Variants in IL1RAPL2 observed in about 807,000 individuals in gnomAD.
IL1RAPL2 encodes the protein interleukin 1 receptor accessory protein like 2.
In IL1RAPL2, 3 loss-of-function variants were observed where a neutral mutation model predicts 44.1. The observed-to-expected ratio is 0.07, with a 90% CI of 0.03 to 0.18. The LOEUF is 0.18. Ranked by LOEUF, IL1RAPL2 falls within the 10% of genes least tolerant of loss-of-function variation. The pLI is 1.00. For synonymous variants in IL1RAPL2, 181 were observed against 178.8 expected, an observed-to-expected ratio of 1.01 and a Z score of -0.10; for missense variants, 391 against 496.4, an observed-to-expected ratio of 0.79 and a Z score of 2.02.
intron 3 of IL1RAPL2, among the ~76,000 whole-genome samples, chrX:105,201,903 G>A (rs1343630530): frequency 9.0e-6 from 1 of 111,661 alleles, no homozygotes; most frequent in Non-Finnish European, 1.9e-5. Flanking sequence ...GCAGGATCTT[G>A]AGACAGCAGG....
At chrX:104,650,562 T>C (rs1242589989) in intron 1 of IL1RAPL2, among the ~76,000 whole-genome samples, 2 of 110,998 alleles carry the variant, frequency 1.8e-5, no homozygotes, top group Admixed American at 1.9e-4. Context: ...GGCCTTTCTC[T>C]TTGACTATTT....
In IL1RAPL2 at chrX:105,474,985, T is replaced by C. The variant is rs768309540; in HGVS notation, c.698-9328T>C. 7.2e-5 allele frequency among the ~76,000 whole-genome samples: 8 copies of C among 111,234 alleles called. No individual in the cohort carries two copies. In the South Asian group the frequency reaches 3.0e-3, roughly 42 times the overall value. On this transcript the variant is annotated intron_variant, in intron 5 of 10. Coordinates refer to ENST00000372582, the MANE Select transcript of IL1RAPL2 (RefSeq NM_017416.2). The stretch of plus-strand genomic sequence containing the variant: ...TTGAATCTTGGACCCAAAATGTATT[T>C]ACCAGCAATGTGACTTTGGACAAAT...
In IL1RAPL2 at chrX:105,393,543, A is replaced by G. The variant is rs757791070; in HGVS notation, c.698-90770A>G. Among the ~76,000 whole-genome samples the G allele has an allele frequency of 2.7e-5, 3 of 111,092 alleles. No homozygotes were observed. The East Asian group carries it at 8.5e-4, about 32-fold the overall frequency. On this transcript the variant is annotated intron_variant, in intron 5 of 10. Transcript: ENST00000372582. The stretch of plus-strand genomic sequence containing the variant: ...TTTGTTAGTTTTACAAAGGTGGTTT[A>G]GTTTTGGGAAGGGCTGTTATCATCC...
intron 2 of IL1RAPL2, among the ~76,000 whole-genome samples, chrX:105,168,515 A>G (rs900232141): frequency 9.3e-6 from 1 of 107,574 alleles, no homozygotes; most frequent in African/African-American, 3.4e-5. Context: ...AGAAAGAGAG[A>G]GATGGATTAA....
intron 6 of IL1RAPL2, among the ~76,000 whole-genome samples, chrX:105,545,317 T>A (rs1254336143): frequency 8.9e-6 from 1 of 112,052 alleles, no homozygotes; most frequent in Non-Finnish European, 1.9e-5. Flanking sequence ...TGAAGGATAG[T>A]TTCACTGGAT....
In IL1RAPL2 at chrX:105,559,466, T is replaced by C. The variant is rs760517056; in HGVS notation, c.772+75079T>C. On this transcript the variant is annotated intron_variant, in intron 6 of 10. Coordinates refer to ENST00000372582, the MANE Select transcript of IL1RAPL2 (RefSeq NM_017416.2). Reference sequence around the variant, plus strand: ...CACATTAGCTGTAAAAATGCCAATATCACTGTCTTCTTATTTCTACTCATG... The same window carrying C: ...CACATTAGCTGTAAAAATGCCAATACCACTGTCTTCTTATTTCTACTCATG... Among the ~76,000 whole-genome samples, 8 of 112,030 alleles carry C rather than the reference T, an allele frequency of 7.1e-5. No homozygotes were observed. In the East Asian group the frequency reaches 2.2e-3, roughly 31 times the overall value.
chrX:105,569,345 T>C (rs1396981998), intron 6 of IL1RAPL2, among the ~76,000 whole-genome samples: 1 of 112,098 alleles, frequency 8.9e-6, no homozygotes, highest in Non-Finnish European at 1.9e-5. Context: ...GTCTCATGAC[T>C]TGCAGTCTTA....
intron 4 of IL1RAPL2, among the ~76,000 whole-genome samples, chrX:105,267,021 T>A (rs2034408384): frequency 8.9e-6 from 1 of 111,996 alleles, no homozygotes; most frequent in African/African-American, 3.2e-5. Flanking sequence ...TTAGGAAATA[T>A]CCTTGTCAAA....
At position 104,566,581 on chromosome X, in the gene IL1RAPL2, C is replaced by T. The variant is rs1441368821; in HGVS notation, c.-490C>T. 8.9e-6 allele frequency: 1 copy of T among 112,938 alleles called. No individual in the cohort carries two copies. The highest frequency in any genetic ancestry group is 2.8e-4 in the East Asian group (1 of 3,558). The allele number at this position is 112,938 out of a possible 1,213,427, so 9.3% of individuals were successfully genotyped here. On this transcript the variant is annotated 5_prime_UTR_variant, in exon 1 of 11. Transcript: ENST00000372582. ...GAGGCGCCCGCGTCCCGGAGTGCAC[C>T]GCTTGGCCGAGGCAAGGTGTTGCTG...
At chrX:104,669,662 A>T (rs1271551239) in intron 2 of IL1RAPL2, among the ~76,000 whole-genome samples, 1 of 111,311 alleles carries the variant, frequency 9.0e-6, no homozygotes, top group Non-Finnish European at 1.9e-5. Flanking sequence ...TTGTTCATCT[A>T]TTTGTTTTAA....
At chrX:105,103,306 C>T (rs1389975233) in intron 2 of IL1RAPL2, among the ~76,000 whole-genome samples, 1 of 111,570 alleles carries the variant, frequency 9.0e-6, no homozygotes, top group Non-Finnish European at 1.9e-5. Flanking sequence ...TACTTAGTCT[C>T]ACATACTTTC....
At chrX:104,707,999 C>G (rs1045950249) in intron 2 of IL1RAPL2, among the ~76,000 whole-genome samples, 1 of 111,840 alleles carries the variant, frequency 8.9e-6, no homozygotes, top group Non-Finnish European at 1.9e-5. Context: ...TCCCTCATCC[C>G]TGAAAGGAGA....
At chrX:104,658,772 A>G (rs1241672821) in intron 1 of IL1RAPL2, 123 bp from the exon 2 acceptor site, 4 of 468,984 alleles carry the variant, frequency 8.5e-6, no homozygotes, top group African/African-American at 2.5e-5. Flanking sequence ...AAATAAAGCC[A>G]GAAGACCCCA....
chrX:105,636,788 G>T (rs1191820584), intron 6 of IL1RAPL2, among the ~76,000 whole-genome samples: 1 of 111,570 alleles, frequency 9.0e-6, no homozygotes, highest in Non-Finnish European at 1.9e-5. Context: ...GGAGGCAGTG[G>T]GCGGGGTTCA....
At chrX:105,278,659 T>C (rs1378379861) in intron 5 of IL1RAPL2, among the ~76,000 whole-genome samples, 2 of 111,981 alleles carry the variant, frequency 1.8e-5, no homozygotes, top group Non-Finnish European at 3.8e-5. Flanking sequence ...TCAAAGCTTC[T>C]CACAACCTCA....
rs745520977 is a variant in IL1RAPL2, at chrX:105,755,240, A to G, written c.1256A>G (p.Asp419Gly). 1.7e-6 allele frequency: 2 copies of G among 1,197,577 alleles called. No homozygotes were observed. Among genetic ancestry groups the G allele is most frequent in the South Asian group, 3.5e-5 (2 of 56,454 alleles). Residue 419 changes from aspartate to glycine, a missense_variant, in exon 10 of 11, where the codon GAC becomes GGC. Asp to Gly is a moderately conservative substitution (Grantham distance 94, BLOSUM62 -1). Transcript: ENST00000372582. ...GTGGACCAAGATACTTTAGACTGTG[A>G]CAATCCTGAAGAAGAGCAGTTTGCT... ...TKVDQDTLDC[D>G]NPEEEQFALE...
At chrX:105,349,838 T>C (rs766232041) in intron 5 of IL1RAPL2, among the ~76,000 whole-genome samples, 9 of 111,962 alleles carry the variant, frequency 8.0e-5, no homozygotes, top group South Asian at 7.4e-4. Flanking sequence ...ACATTCAAAA[T>C]TGTGGTTTAG....
chrX:104,829,018 G>C (rs1283701400), intron 2 of IL1RAPL2, among the ~76,000 whole-genome samples: 1 of 112,315 alleles, frequency 8.9e-6, no homozygotes, highest in African/African-American at 3.2e-5. Context: ...TCAGACTGCT[G>C]TGCTGGCAGT....
intron 2 of IL1RAPL2, among the ~76,000 whole-genome samples, chrX:104,972,973 G>A (rs184170479): frequency 1.8e-5 from 2 of 111,867 alleles, no homozygotes; most frequent in African/African-American, 6.5e-5. Context: ...TTTAATCCTC[G>A]ATAGTTGTAC....
Sources: gnomAD v4.1 joint callset for allele counts (sites outside exome capture counted in the v4.1 genomes callset) on GRCh38, gnomAD v4.1.1 for gene constraint, MANE v1.5 for transcripts, NCBI Gene and HGNC (gene_info 2026-07-23, HGNC 2026-07-21) for gene names.